Variants in SUGCT observed in about 807,000 individuals in gnomAD.
SUGCT encodes the protein succinyl-CoA:glutarate-CoA transferase, also known as succinyl-CoA:glutarate CoA-transferase.
Under a neutral mutation model 55.0 loss-of-function variants are expected in SUGCT, and 41 were observed. The ratio of observed to expected loss-of-function variants is 0.74; its 90% CI spans 0.58 to 0.97. SUGCT has a LOEUF of 0.97. Ranked by LOEUF, SUGCT falls within the 50% of genes least tolerant of loss-of-function variation. SUGCT has a pLI of 0.00. For missense variants in SUGCT, 568 were observed against 547.8 expected, an observed-to-expected ratio of 1.04 and a Z score of -0.37; for synonymous variants, 187 against 200.4, an observed-to-expected ratio of 0.93 and a Z score of 0.56.
At chr7:40,248,918 A>ACACACG (rs1554296259) in intron 7 of SUGCT, among the ~76,000 whole-genome samples, 1 of 145,368 alleles carries the variant, frequency 6.9e-6, no homozygotes, top group Non-Finnish European at 1.5e-5. Context: ...ACGCACACAC[A>ACACACG]CACACACTCC....
At chr7:40,485,391 T>C (rs1791274374) in intron 11 of SUGCT, among the ~76,000 whole-genome samples, 1 of 150,374 alleles carries the variant, frequency 6.7e-6, no homozygotes, top group South Asian at 2.1e-4. Context: ...CTAGATAATA[T>C]AGGTATATAT....
At chr7:40,997,503 C>CAGTAGAA in the SUGCT span, among the ~76,000 whole-genome samples, 5 of 152,142 alleles carry the variant, frequency 3.3e-5, no homozygotes, top group Admixed American at 6.5e-5. Flanking sequence ...CTTACCACCA[C>CAGTAGAA]CCTGCACACA....
At chr7:40,522,242 C>A (rs1793571010) in intron 12 of SUGCT, among the ~76,000 whole-genome samples, 3 of 152,118 alleles carry the variant, frequency 2.0e-5, no homozygotes, top group African/African-American at 7.2e-5. Context: ...GTTTCTCTAA[C>A]ACTTGCAAAT....
intron 7 of SUGCT, among the ~76,000 whole-genome samples, chr7:40,271,874 C>G (rs1792042726): frequency 1.3e-5 from 2 of 151,796 alleles, no homozygotes; most frequent in African/African-American, 2.4e-5. Context: ...GCAGTCTGCT[C>G]TCTATCTTCA....
chr7:40,677,500 T>G (rs996178779), intron 12 of SUGCT, among the ~76,000 whole-genome samples: 1 of 152,216 alleles, frequency 6.6e-6, no homozygotes, highest in Non-Finnish European at 1.5e-5. Flanking sequence ...TGCTGTAAGA[T>G]AGCTACCTCA....
At chr7:40,691,662 T>C (rs17171764) in intron 12 of SUGCT, among the ~76,000 whole-genome samples, 47,060 of 152,116 alleles carry the variant, frequency 0.31, 7,536 homozygotes, top group African/African-American at 0.4. Context: ...TAGAAACTTT[T>C]TTGACATCAG....
At chr7:40,156,414 G>T (rs1783900107) in intron 1 of SUGCT, among the ~76,000 whole-genome samples, 1 of 152,114 alleles carries the variant, frequency 6.6e-6, no homozygotes. Flanking sequence ...AGTGAACCGA[G>T]ATCACGCTAC....
At chr7:40,855,997 G>A (rs1277332840) in intron 13 of SUGCT, among the ~76,000 whole-genome samples, 1 of 152,164 alleles carries the variant, frequency 6.6e-6, no homozygotes, top group Non-Finnish European at 1.5e-5. Context: ...TCTATATTCA[G>A]ACATTCAATC....
intron 7 of SUGCT, among the ~76,000 whole-genome samples, chr7:40,272,189 T>TAC (rs1192177785): frequency 5.3e-4 from 38 of 72,102 alleles, no homozygotes; most frequent in Non-Finnish European, 7.7e-4. Flanking sequence ...TATATATATA[T>TAC]ATATACAGGG....
intron 6 of SUGCT, among the ~76,000 whole-genome samples, chr7:40,203,332 C>T (rs1484969161): frequency 6.6e-6 from 1 of 152,092 alleles, no homozygotes; most frequent in African/African-American, 2.4e-5. Flanking sequence ...GGGTTTGAAG[C>T]CTCAGATGAA....
At chr7:40,555,484 G>T (rs936598019) in intron 12 of SUGCT, among the ~76,000 whole-genome samples, 4 of 152,082 alleles carry the variant, frequency 2.6e-5, no homozygotes, top group African/African-American at 9.7e-5. Flanking sequence ...GTGGGTCCCA[G>T]GTGGCCTGAT....
chr7:40,691,742 C>T lies in SUGCT; in HGVS notation c.1090-57692C>T, dbSNP rs1317402221. On this transcript the variant is annotated intron_variant, in intron 12 of 13. Transcript: ENST00000335693. ...CTTTCTTAGAGTCTGCTTGGATGAA[C>T]TCACCTAAAACTTGTCTTAGAATTC... is the stretch of plus-strand genomic sequence containing the variant. Among the ~76,000 whole-genome samples the T allele has an allele frequency of 2.0e-5, 3 of 152,164 alleles. No homozygotes were observed. In the East Asian group the frequency reaches 5.8e-4, roughly 29 times the overall value.
At chr7:40,492,325 A>C (rs905224750) in intron 11 of SUGCT, among the ~76,000 whole-genome samples, 7 of 152,132 alleles carry the variant, frequency 4.6e-5, no homozygotes, top group Non-Finnish European at 8.8e-5. Context: ...ATAATATGGA[A>C]GATACTACTA....
At chr7:40,153,551 T>C in intron 1 of SUGCT, 1 of 455,778 alleles carries the variant, frequency 2.2e-6, no homozygotes, top group East Asian at 5.7e-5. Flanking sequence ...TTTGGACCTA[T>C]GGGCACATTT....
chr7:40,671,331 A>C (rs1801929629), intron 12 of SUGCT, among the ~76,000 whole-genome samples: 1 of 152,236 alleles, frequency 6.6e-6, no homozygotes, highest in Admixed American at 6.5e-5. Context: ...AAGTATAAAC[A>C]AAGGAAAACT....
intron 13 of SUGCT, among the ~76,000 whole-genome samples, chr7:40,850,443 G>A (rs894808185): frequency 1.3e-4 from 20 of 152,216 alleles, no homozygotes; most frequent in Non-Finnish European, 2.5e-4. Context: ...ATGAGTGAAA[G>A]AAGTCCTGTG....
chr7:40,384,111 A>G (rs1785001523), intron 9 of SUGCT, among the ~76,000 whole-genome samples: 1 of 152,176 alleles, frequency 6.6e-6, no homozygotes, highest in African/African-American at 2.4e-5. Context: ...TGAAATATAT[A>G]TTGACACATG....
chr7:40,958,134 G>A, the SUGCT span, among the ~76,000 whole-genome samples: 1 of 152,024 alleles, frequency 6.6e-6, no homozygotes, highest in African/African-American at 2.4e-5. Context: ...TGACCATTAT[G>A]TGTCTTGGGG....
At chr7:40,615,694 G>C (rs1427052096) in intron 12 of SUGCT, among the ~76,000 whole-genome samples, 1 of 152,164 alleles carries the variant, frequency 6.6e-6, no homozygotes, top group Admixed American at 6.5e-5. Context: ...GTATATTGTG[G>C]TTATTCAATT....
Sources: gnomAD v4.1 joint callset for allele counts (sites outside exome capture counted in the v4.1 genomes callset) on GRCh38, gnomAD v4.1.1 for gene constraint, MANE v1.5 for transcripts, NCBI Gene and HGNC (gene_info 2026-07-23, HGNC 2026-07-21) for gene names.